Variants in TMEM132D observed in about 807,000 individuals in gnomAD.
The protein encoded by TMEM132D is mature OL transmembrane protein.
TMEM132D carries 21 observed loss-of-function variants against 62.3 expected under a neutral mutation model. The ratio of observed to expected loss-of-function variants is 0.34; its 90% CI spans 0.24 to 0.49. The LOEUF (loss-of-function observed/expected upper bound fraction) is 0.49, where lower values mean the gene tolerates loss of function less well. Ranked by LOEUF, TMEM132D falls within the 20% of genes least tolerant of loss-of-function variation. The pLI is 0.99. For missense variants in TMEM132D, 1,346 were observed against 1,402.8 expected, an observed-to-expected ratio of 0.96 and a Z score of 0.65; for synonymous variants, 621 against 575.6, an observed-to-expected ratio of 1.08 and a Z score of -1.13.
intron 4 of TMEM132D, among the ~76,000 whole-genome samples, chr12:129,292,909 C>T (rs1453120428): frequency 6.6e-6 from 1 of 152,150 alleles, no homozygotes; most frequent in Non-Finnish European, 1.5e-5. Flanking sequence ...ACAAGGGCTG[C>T]TCCACATCCA....
At chr12:129,654,922 T>A (rs1880031454) in intron 2 of TMEM132D, among the ~76,000 whole-genome samples, 1 of 152,094 alleles carries the variant, frequency 6.6e-6, no homozygotes, top group African/African-American at 2.4e-5. Context: ...CATTGTTCTC[T>A]CATTTAATTT....
intron 2 of TMEM132D, among the ~76,000 whole-genome samples, chr12:129,589,675 G>T (rs375339754): frequency 2.6e-5 from 4 of 152,170 alleles, no homozygotes; most frequent in Non-Finnish European, 4.4e-5. Context: ...TTGGCTGCTT[G>T]ATGACTTGTG....
At chr12:129,513,848 A>ATTTATTTATTTAT (rs1241155328) in intron 3 of TMEM132D, among the ~76,000 whole-genome samples, 6 of 112,718 alleles carry the variant, frequency 5.3e-5, no homozygotes, top group African/African-American at 2.1e-4. Flanking sequence ...TTATTTATTT[A>ATTTATTTATTTAT]TTTTTTTGAG....
At chr12:129,524,910 A>G (rs1435600258) in intron 3 of TMEM132D, among the ~76,000 whole-genome samples, 8 of 137,122 alleles carry the variant, frequency 5.8e-5, no homozygotes, top group African/African-American at 2.2e-4. Flanking sequence ...TATTATTTTC[A>G]TATTTTTTTC....
chr12:129,085,085 C>T, intron 5 of TMEM132D: 4 of 307,910 alleles, frequency 1.3e-5, no homozygotes, highest in Non-Finnish European at 1.8e-5. Flanking sequence ...CGCTTCTCTG[C>T]CCAGTGACTA....
At chr12:129,568,312 A>C (rs1054617976) in intron 2 of TMEM132D, among the ~76,000 whole-genome samples, 2 of 152,232 alleles carry the variant, frequency 1.3e-5, no homozygotes, top group African/African-American at 2.4e-5. Context: ...CTTACACGAC[A>C]ACCTGGAGGA....
chr12:129,294,994 AGG>A (rs1236747578), intron 4 of TMEM132D, among the ~76,000 whole-genome samples: 1 of 152,102 alleles, frequency 6.6e-6, no homozygotes, highest in Non-Finnish European at 1.5e-5. Flanking sequence ...TGTTTCTGTT[AGG>A]GTGTTTTTTT....
chr12:129,211,337 C>A (rs916923358), intron 4 of TMEM132D, among the ~76,000 whole-genome samples: 2 of 152,112 alleles, frequency 1.3e-5, no homozygotes, highest in African/African-American at 2.4e-5. Flanking sequence ...GGATCTAAAA[C>A]AATTGTCATT....
chr12:129,083,022 G>A (rs890559496), intron 6 of TMEM132D, among the ~76,000 whole-genome samples: 1 of 152,200 alleles, frequency 6.6e-6, no homozygotes, highest in East Asian at 1.9e-4. Flanking sequence ...ACCATGCCTG[G>A]CCAGCATGTT....
At chr12:129,343,459 G>T (rs1593344689) in intron 3 of TMEM132D, among the ~76,000 whole-genome samples, 1 of 152,012 alleles carries the variant, frequency 6.6e-6, no homozygotes, top group East Asian at 1.9e-4. Context: ...ATAGCATTAG[G>T]AGATATACCT....
rs1459048655 is a variant in TMEM132D, at chr12:129,708,326, CA to C, written c.80-7629del. 3.3e-5 allele frequency among the ~76,000 whole-genome samples: 5 copies of C among 152,078 alleles called. No individual in the cohort carries two copies. The East Asian group carries it at 9.6e-4, about 29-fold the overall frequency. ...CAGGAAGAGGGGAGTGATATATTCC[CA>C]AACACACTAATCCTATTTAGCCTTT... On this transcript the variant is annotated intron_variant, in intron 1 of 8. Coordinates refer to ENST00000422113, the MANE Select transcript of TMEM132D (RefSeq NM_133448.3).
intron 2 of TMEM132D, among the ~76,000 whole-genome samples, chr12:129,581,194 G>A (rs1258375674): frequency 6.6e-6 from 1 of 152,096 alleles, no homozygotes; most frequent in Non-Finnish European, 1.5e-5. Context: ...CGTGATCTCT[G>A]CACAGCCAGC....
intron 2 of TMEM132D, among the ~76,000 whole-genome samples, chr12:129,644,388 T>A (rs1879716991): frequency 1.3e-5 from 2 of 152,142 alleles, no homozygotes. Flanking sequence ...CGTACATATT[T>A]CCATGACAGC....
rs978564536 is a variant in TMEM132D at position 129,081,888 on chromosome 12, C to A, written c.1794G>T (p.Leu598=). The part of the protein sequence containing the change: ...AGPGGHLAHL[L]GSDWQVDITE... The stretch of plus-strand genomic sequence containing the variant: ...TGATGTCCACTTGCCAGTCTGAGCC[C>A]AGCAGGTGGGCCAGGTGTCCCCCAG... Residue 598 remains leucine, a synonymous_variant, in exon 7 of 9, where the codon CTG becomes CTT. Coordinates refer to ENST00000422113, the MANE Select transcript of TMEM132D (RefSeq NM_133448.3). The A allele has an allele frequency of 6.2e-7, 1 of 1,613,960 alleles. No homozygotes were observed. The highest frequency in any genetic ancestry group is 1.3e-5 in the African/African-American group (1 of 74,922).
At chr12:129,416,286 G>T (rs1249050211) in intron 3 of TMEM132D, among the ~76,000 whole-genome samples, 1 of 152,158 alleles carries the variant, frequency 6.6e-6, no homozygotes, top group African/African-American at 2.4e-5. Flanking sequence ...CCTGTAAGTT[G>T]TATTCCTAGG....
At chr12:129,603,997 T>G (rs911658113) in intron 2 of TMEM132D, among the ~76,000 whole-genome samples, 1 of 151,986 alleles carries the variant, frequency 6.6e-6, no homozygotes, top group African/African-American at 2.4e-5. Context: ...CCATAAAAAA[T>G]GAGTTCATGT....
intron 3 of TMEM132D, among the ~76,000 whole-genome samples, chr12:129,499,802 G>A (rs548995537): frequency 6.6e-5 from 10 of 152,180 alleles, no homozygotes; most frequent in African/African-American, 1.4e-4. Context: ...GTCATGGGGC[G>A]ATTAAGGAGT....
intron 1 of TMEM132D, among the ~76,000 whole-genome samples, chr12:129,859,400 C>G (rs918147576): frequency 6.6e-6 from 1 of 152,216 alleles, no homozygotes; most frequent in Non-Finnish European, 1.5e-5. Flanking sequence ...AGACAGTGTT[C>G]TCTTTTCTTT....
At chr12:129,455,009 G>A (rs146187389) in intron 3 of TMEM132D, among the ~76,000 whole-genome samples, 52 of 152,310 alleles carry the variant, frequency 3.4e-4, no homozygotes, top group African/African-American at 1.1e-3. Flanking sequence ...GTTCAGCCCC[G>A]TCTCTCAGGA....
Sources: allele counts gnomAD v4.1 joint callset (sites outside exome capture counted in the v4.1 genomes callset), GRCh38; gene constraint gnomAD v4.1.1; transcripts MANE v1.5; gene names NCBI Gene and HGNC (gene_info 2026-07-23, HGNC 2026-07-21).